The following FUT8 variants were observed in gnomAD, a reference collection of about 807,000 sequenced individuals.
FUT8 encodes the protein fucosyltransferase 8.
A neutral mutation model predicts 71.3 loss-of-function variants in FUT8; 29 were observed. The ratio of observed to expected loss-of-function variants is 0.41; its 90% CI spans 0.30 to 0.55. FUT8 has a LOEUF of 0.55. FUT8 is among the 20% of genes least tolerant of loss of function. The pLI is 0.34. For missense variants in FUT8, 544 were observed against 702.1 expected, an observed-to-expected ratio of 0.77 and a Z score of 2.55; for synonymous variants, 254 against 239.3, an observed-to-expected ratio of 1.06 and a Z score of -0.57.
At chr14:65,727,847 C>A (rs994380912) in intron 9 of FUT8, among the ~76,000 whole-genome samples, 2 of 152,200 alleles carry the variant, frequency 1.3e-5, no homozygotes, top group Non-Finnish European at 2.9e-5. Flanking sequence ...TAGCAGCAAC[C>A]AAGTCACCTC....
In FUT8 at chr14:65,627,446, A is replaced by T. The variant is rs550388712; in HGVS notation, c.483-2046A>T. ...AAAGGAAGTAAAGTACACTTGTAAG[A>T]GGCCAAGCGGGCGACTTGAGAGGGT... On this transcript the variant is annotated intron_variant, in intron 5 of 10. Coordinates refer to ENST00000673929, the MANE Select transcript of FUT8 (RefSeq NM_001371533.1). This position sits in a 1 kb window ranked among gnomAD's most constrained non-coding sequence, Gnocchi z 4.0. Among the ~76,000 whole-genome samples, 13 of 152,332 alleles carry T rather than the reference A, an allele frequency of 8.5e-5. No homozygotes were observed. The highest frequency in any genetic ancestry group is 3.1e-4 in the African/African-American group (13 of 41,578).
intron 10 of FUT8, among the ~76,000 whole-genome samples, chr14:65,735,415 A>G (rs1896174824): frequency 6.6e-6 from 1 of 152,140 alleles, no homozygotes; most frequent in African/African-American, 2.4e-5. Flanking sequence ...GGTCCAGAGA[A>G]GCAATTCATA....
chr14:65,721,192 G>A (rs115660345), intron 7 of FUT8, among the ~76,000 whole-genome samples: 3,250 of 151,222 alleles, frequency 0.021, 132 homozygotes, highest in African/African-American at 0.076. Context: ...TGGGGGCAGC[G>A]ATTGGTTGAG....
intron 2 of FUT8, among the ~76,000 whole-genome samples, chr14:65,518,783 G>A (rs141450372): frequency 0.025 from 3,824 of 152,274 alleles, 152 homozygotes; most frequent in African/African-American, 0.087. Flanking sequence ...GCCTCCCAAA[G>A]TTCTGGGATT....
At chr14:65,398,741 C>A in the FUT8 span, among the ~76,000 whole-genome samples, 4 of 150,086 alleles carry the variant, frequency 2.7e-5, no homozygotes, top group South Asian at 2.1e-4. Context: ...AAAAAAAAAA[C>A]AAAGAAACAA....
intron 1 of FUT8, among the ~76,000 whole-genome samples, chr14:65,417,608 C>G (rs954104867): frequency 2.0e-5 from 3 of 152,104 alleles, no homozygotes; most frequent in Admixed American, 2.0e-4. Flanking sequence ...AATTTTCTTA[C>G]CCATCTACTT....
chr14:65,501,828 G>GTTA (rs2066649593), intron 2 of FUT8, among the ~76,000 whole-genome samples: 1 of 151,824 alleles, frequency 6.6e-6, no homozygotes, highest in Admixed American at 6.6e-5. Flanking sequence ...AAGGAAAGTT[G>GTTA]TTATTATTAT....
chr14:65,415,206 A>G (rs1255620488), intron 1 of FUT8, among the ~76,000 whole-genome samples: 6 of 152,220 alleles, frequency 3.9e-5, no homozygotes, highest in African/African-American at 1.4e-4. Flanking sequence ...AAAGCAAAGT[A>G]TAGCTTAATA....
At chr14:65,553,581 G>T (rs933089205) in intron 2 of FUT8, among the ~76,000 whole-genome samples, 2 of 151,576 alleles carry the variant, frequency 1.3e-5, no homozygotes, top group African/African-American at 4.8e-5. Flanking sequence ...ATTTTTTATA[G>T]TACAATTTTG....
At chr14:65,723,357 A>G (rs1895521225) in intron 8 of FUT8, among the ~76,000 whole-genome samples, 1 of 152,022 alleles carries the variant, frequency 6.6e-6, no homozygotes, top group Non-Finnish European at 1.5e-5. Context: ...AAACACTAAG[A>G]TGGGAGGAGA....
At chr14:65,568,631 G>A (rs1886320755) in intron 3 of FUT8, among the ~76,000 whole-genome samples, 1 of 150,922 alleles carries the variant, frequency 6.6e-6, no homozygotes, top group Admixed American at 6.6e-5. Context: ...CAACCAGATA[G>A]AATTATATTC....
the FUT8 span, among the ~76,000 whole-genome samples, chr14:65,373,914 G>A: frequency 2.0e-5 from 3 of 152,158 alleles, no homozygotes; most frequent in African/African-American, 7.2e-5. Context: ...CAGGAGTGGG[G>A]CACGGACAGC....
At chr14:65,436,224 G>A (rs2065556518) in intron 1 of FUT8, among the ~76,000 whole-genome samples, 1 of 151,900 alleles carries the variant, frequency 6.6e-6, no homozygotes, top group Non-Finnish European at 1.5e-5. Flanking sequence ...CAGGAGAATC[G>A]CTTGAGCCCA....
At chr14:65,684,912 C>T (rs1028049237) in intron 7 of FUT8, among the ~76,000 whole-genome samples, 2 of 152,148 alleles carry the variant, frequency 1.3e-5, no homozygotes, top group African/African-American at 4.8e-5. Flanking sequence ...TGAAAATGGA[C>T]TAATACATGC....
At chr14:65,688,520 C>CAAAA (rs34293733) in intron 7 of FUT8, among the ~76,000 whole-genome samples, 69 of 55,094 alleles carry the variant, frequency 1.3e-3, no homozygotes, top group African/African-American at 3.5e-3. Context: ...ATCCACATGC[C>CAAAA]AAAAAAAAAA....
intron 3 of FUT8, among the ~76,000 whole-genome samples, chr14:65,581,222 C>G (rs1887072559): frequency 6.6e-6 from 1 of 152,070 alleles, no homozygotes; most frequent in Non-Finnish European, 1.5e-5. Context: ...TTAACAAGCT[C>G]TCAATGTGCA....
intron 7 of FUT8, among the ~76,000 whole-genome samples, chr14:65,717,942 G>A (rs1392650603): frequency 6.6e-6 from 1 of 151,652 alleles, no homozygotes; most frequent in African/African-American, 2.4e-5. Context: ...TTTATTTTTA[G>A]TCTGTGTGTC....
At chr14:65,593,456 A>G (rs926521498) in intron 3 of FUT8, among the ~76,000 whole-genome samples, 3 of 152,246 alleles carry the variant, frequency 2.0e-5, no homozygotes, top group Non-Finnish European at 4.4e-5. Context: ...TTCATAGTGT[A>G]TAGATACAGA....
At chr14:65,449,278 C>T (rs1227599654) in intron 1 of FUT8, among the ~76,000 whole-genome samples, 2 of 152,060 alleles carry the variant, frequency 1.3e-5, no homozygotes, top group Non-Finnish European at 2.9e-5. Context: ...ATTTGCTTAC[C>T]AATAAATATG....
Sources: allele counts gnomAD v4.1 joint callset (sites outside exome capture counted in the v4.1 genomes callset), GRCh38; gene constraint gnomAD v4.1.1; non-coding constraint Gnocchi (gnomAD v3.1); transcripts MANE v1.5; gene names NCBI Gene and HGNC (gene_info 2026-07-23, HGNC 2026-07-21).